VAT1L: variants seen among roughly 807,000 people sequenced by gnomAD.
The protein encoded by VAT1L is putative NADPH-dependent quinone oxidoreductase VAT1L.
In VAT1L, 34 loss-of-function variants were observed where a neutral mutation model predicts 44.1. The ratio of observed to expected loss-of-function variants is 0.77; its 90% CI spans 0.59 to 1.03. VAT1L has a LOEUF of 1.03. Ranked by LOEUF, VAT1L falls within the 50% of genes least tolerant of loss-of-function variation. The probability of loss-of-function intolerance (pLI) is 0.00; values close to 1 mark genes in which losing one functional copy is unlikely to be tolerated. For missense variants in VAT1L, 615 were observed against 538.8 expected, an observed-to-expected ratio of 1.14 and a Z score of -1.40; for synonymous variants, 253 against 202.2, an observed-to-expected ratio of 1.25 and a Z score of -2.13.
chr16:77,938,104 GA>G (rs1333037725), intron 7 of VAT1L, among the ~76,000 whole-genome samples: 2 of 152,166 alleles, frequency 1.3e-5, no homozygotes, highest in Admixed American at 6.5e-5. Context: ...GACCACTTGG[GA>G]CCAGTTCCTG....
intron 7 of VAT1L, among the ~76,000 whole-genome samples, chr16:77,969,412 G>C (rs1044206158): frequency 1.3e-5 from 2 of 152,020 alleles, no homozygotes. Flanking sequence ...TGCTTCCAAG[G>C]TCTCTGTGGT....
At chr16:77,858,126 G>A (rs2016880204) in intron 3 of VAT1L, among the ~76,000 whole-genome samples, 1 of 152,154 alleles carries the variant, frequency 6.6e-6, no homozygotes, top group South Asian at 2.1e-4. Flanking sequence ...TGCCCCCACA[G>A]AGCTCACAGA....
intron 7 of VAT1L, among the ~76,000 whole-genome samples, chr16:77,968,030 G>C (rs1245814269): frequency 6.6e-6 from 1 of 152,146 alleles, no homozygotes; most frequent in African/African-American, 2.4e-5. Context: ...TACATTATCT[G>C]TAAAATGGGG....
intron 7 of VAT1L, among the ~76,000 whole-genome samples, chr16:77,936,486 C>A (rs935272642): frequency 6.6e-6 from 1 of 152,108 alleles, no homozygotes; most frequent in African/African-American, 2.4e-5. Flanking sequence ...TGGGGGACTT[C>A]TCCTTAAGTC....
At chr16:77,961,379 G>A (rs911978752) in intron 7 of VAT1L, among the ~76,000 whole-genome samples, 4 of 151,982 alleles carry the variant, frequency 2.6e-5, no homozygotes, top group African/African-American at 7.3e-5. Flanking sequence ...TTCCTCCCTC[G>A]GATCTGTTCA....
At chr16:77,808,307 C>G (rs1411446494) in intron 1 of VAT1L, among the ~76,000 whole-genome samples, 1 of 152,028 alleles carries the variant, frequency 6.6e-6, no homozygotes, top group African/African-American at 2.4e-5. Context: ...CTCCTGTCAC[C>G]CCCAGATGGG....
intron 4 of VAT1L, among the ~76,000 whole-genome samples, chr16:77,874,945 G>A (rs2017072886): frequency 6.6e-6 from 1 of 151,646 alleles, no homozygotes; most frequent in South Asian, 2.1e-4. Flanking sequence ...AGCAGCACCT[G>A]GAAACGTTAG....
At chr16:77,925,079 G>C (rs2017651476) in intron 7 of VAT1L, among the ~76,000 whole-genome samples, 1 of 152,148 alleles carries the variant, frequency 6.6e-6, no homozygotes, top group Non-Finnish European at 1.5e-5. Context: ...GGAATGTTCA[G>C]CTTATAGGTA....
In VAT1L at chr16:77,969,420, G is replaced by A. The variant is rs186548709; in HGVS notation, c.1078-2430G>A. 2.6e-5 allele frequency among the ~76,000 whole-genome samples: 4 copies of A among 152,118 alleles called. No individual in the cohort carries two copies. In the East Asian group the frequency reaches 7.7e-4, roughly 29 times the overall value. Reference sequence around the variant, plus strand: ...AAGGGTCTGCTTCCAAGGTCTCTGTGGTCGTTGGCAGGATTCAGTTCCTCA... The same window carrying A: ...AAGGGTCTGCTTCCAAGGTCTCTGTAGTCGTTGGCAGGATTCAGTTCCTCA... On this transcript the variant is annotated intron_variant, in intron 7 of 8. Transcript: ENST00000302536.
chr16:77,912,637 CT>C (rs1567506480), intron 7 of VAT1L, among the ~76,000 whole-genome samples: 1 of 152,130 alleles, frequency 6.6e-6, no homozygotes, highest in African/African-American at 2.4e-5. Flanking sequence ...CTTATTCTCA[CT>C]GGCAAGGCAA....
intron 3 of VAT1L, among the ~76,000 whole-genome samples, chr16:77,830,528 GTAATTCTCACAAGAT>G (rs1377375090): frequency 6.6e-6 from 1 of 152,130 alleles, no homozygotes; most frequent in African/African-American, 2.4e-5. Context: ...GTGATACGGA[GTAATTCTCACAAGAT>G]CTGATGGTTT....
chr16:77,919,706 G>A (rs900145846), intron 7 of VAT1L, among the ~76,000 whole-genome samples: 1 of 152,190 alleles, frequency 6.6e-6, no homozygotes, highest in African/African-American at 2.4e-5. Flanking sequence ...TCCTGAGTTT[G>A]CAGAGCAAGA....
At chr16:77,905,154 G>C (rs919159799) in intron 7 of VAT1L, among the ~76,000 whole-genome samples, 3 of 152,174 alleles carry the variant, frequency 2.0e-5, no homozygotes, top group African/African-American at 4.8e-5. Context: ...GGCATTATTT[G>C]TATGTCTCTT....
chr16:77,854,313 G>GA (rs1567488351), intron 3 of VAT1L, among the ~76,000 whole-genome samples: 2 of 152,116 alleles, frequency 1.3e-5, no homozygotes, highest in African/African-American at 4.8e-5. Context: ...GCTTTGCAGT[G>GA]ACAAACAAAG....
intron 7 of VAT1L, among the ~76,000 whole-genome samples, chr16:77,967,374 G>A (rs1391370385): frequency 6.6e-6 from 1 of 152,152 alleles, no homozygotes; most frequent in Admixed American, 6.6e-5. Context: ...TGGTGTGTGT[G>A]GATAAAAGGA....
chr16:77,886,905 GT>G (rs1364004163), intron 7 of VAT1L, among the ~76,000 whole-genome samples: 2 of 152,090 alleles, frequency 1.3e-5, no homozygotes, highest in African/African-American at 4.8e-5. Flanking sequence ...CCATATATGT[GT>G]GTGTATGTAC....
intron 1 of VAT1L, among the ~76,000 whole-genome samples, chr16:77,805,185 C>T (rs1195318109): frequency 6.6e-6 from 1 of 152,142 alleles, no homozygotes; most frequent in Non-Finnish European, 1.5e-5. Flanking sequence ...TGGCTGTTCT[C>T]AAATAAGAGC....
intron 3 of VAT1L, among the ~76,000 whole-genome samples, chr16:77,833,662 A>G (rs560174472): frequency 3.9e-5 from 6 of 152,236 alleles, no homozygotes; most frequent in Admixed American, 1.3e-4. Flanking sequence ...GAGGCAGGAG[A>G]ACTGCTTGAA....
chr16:77,896,036 G>A (rs980115821), intron 7 of VAT1L, among the ~76,000 whole-genome samples: 4 of 152,190 alleles, frequency 2.6e-5, no homozygotes, highest in Non-Finnish European at 5.9e-5. Context: ...GGTTCATCAG[G>A]CTGAGCACAG....
Sources: gnomAD v4.1 joint callset for allele counts (sites outside exome capture counted in the v4.1 genomes callset) on GRCh38, gnomAD v4.1.1 for gene constraint, MANE v1.5 for transcripts, NCBI Gene and HGNC (gene_info 2026-07-23, HGNC 2026-07-21) for gene names.